CDHR1: variants seen among roughly 807,000 people sequenced by gnomAD.
CDHR1 encodes cadherin related family member 1, also known as cadherin-related family member 1.
In CDHR1, 61 loss-of-function variants were observed where a neutral mutation model predicts 72.1. That is an observed-to-expected ratio of 0.85 (90% confidence interval 0.69 to 1.05). The LOEUF (loss-of-function observed/expected upper bound fraction) is 1.05, where lower values mean the gene tolerates loss of function less well. Among genes scored for constraint, CDHR1 ranks in the 50% least tolerant of loss-of-function variants. The pLI is 0.00. For missense variants in CDHR1, 1,186 were observed against 1,115.7 expected (o/e 1.06, Z -0.90); for synonymous variants, 470 against 448.1 (o/e 1.05, Z -0.62).
chr10:84,200,465 C>T lies in CDHR1; in HGVS notation c.439-136C>T, dbSNP rs1216156460. On this transcript the variant is annotated intron_variant, in intron 5 of 16. Coordinates refer to ENST00000623527, the MANE Select transcript of CDHR1 (RefSeq NM_033100.4). The stretch of plus-strand genomic sequence containing the variant: ...GGGCCCAGCCCCCACTGGGTGCTCA[C>T]ACATTTTATCCTCAATTGTTCACCT... 4 of 708,574 alleles carry T rather than the reference C, an allele frequency of 5.6e-6. No individual in the cohort carries two copies. The African/African-American group carries it at 7.0e-5, about 12-fold the overall frequency. 43.9% of individuals were successfully genotyped at this position (708,574 alleles called of 1,614,324 possible).
chr10:84,218,820 G>C (rs4424615), downstream of CDHR1: 485,695 of 1,004,110 alleles, frequency 0.48, 121,114 homozygotes, highest in African/African-American at 0.77. Flanking sequence ...TTAATAAGAT[G>C]TGATATTCCA....
chr10:84,207,139 T>C (rs545475106), intron 10 of CDHR1, among the ~76,000 whole-genome samples: 2 of 152,110 alleles, frequency 1.3e-5, no homozygotes, highest in South Asian at 4.2e-4. Context: ...GGAGAGAATG[T>C]CAACCTACAG....
In CDHR1 at chr10:84,214,636, C is replaced by T. The variant is rs1193305836; in HGVS notation, c.*15C>T. 3 of 1,598,554 alleles carry T rather than the reference C, an allele frequency of 1.9e-6. No individual in the cohort carries two copies. Among genetic ancestry groups the T allele is most frequent in the African/African-American group, 2.7e-5 (2 of 74,864 alleles). On this transcript the variant is annotated 3_prime_UTR_variant, in exon 17 of 17. Coordinates refer to ENST00000623527, the MANE Select transcript of CDHR1 (RefSeq NM_033100.4). The stretch of plus-strand genomic sequence containing the variant: ...CTTACTTCTAGTGTATGCCCTATGA[C>T]CCCCCATCTTTCCTCCGCCCCTGAC...
intron 3 of CDHR1, among the ~76,000 whole-genome samples, chr10:84,197,385 C>T (rs1449806911): frequency 1.3e-5 from 2 of 152,106 alleles, no homozygotes; most frequent in Non-Finnish European, 2.9e-5. Context: ...ATGTGAGCCT[C>T]TGCAGAGCCC....
rs1564656997 is a variant in CDHR1 at position 84,199,224 on chromosome 10, AC to A, written c.438+105del. On this transcript the variant is annotated intron_variant, in intron 5 of 16. Coordinates refer to ENST00000623527, the MANE Select transcript of CDHR1 (RefSeq NM_033100.4). ...GCCATGGCTCACTGCCCTGTGGAGAACCTCTCTGTCACCACCTGCTCCCTCC... is the reference window on the plus strand; with the variant it reads ...GCCATGGCTCACTGCCCTGTGGAGAACTCTCTGTCACCACCTGCTCCCTCC... 6.7e-6 allele frequency: 6 copies of A among 891,386 alleles called. No homozygotes were observed. In the East Asian group the frequency reaches 1.6e-4, roughly 24 times the overall value. 55.2% of individuals were successfully genotyped at this position (891,386 alleles called of 1,614,324 possible). A position where few individuals can be genotyped will look rare whatever the true frequency, so the allele number is the denominator to read the frequency against.
rs1384860192 is a variant in CDHR1, at chr10:84,212,165, G to T, written c.1554-14G>T. 6.2e-7 allele frequency: 1 copy of T among 1,608,770 alleles called. No homozygotes were observed. Among genetic ancestry groups the T allele is most frequent in the Non-Finnish European group, 8.5e-7 (1 of 1,175,228 alleles). ...TATGCGTGCACACCCATGCCTATGT[G>T]CTCTGCCTGGCAGCTTCCTGATCCA... On this transcript the variant is annotated splice_polypyrimidine_tract_variant and intron_variant, in intron 14 of 16. Transcript: ENST00000623527.
Position 84,212,403 on chromosome 10 carries a change from T to C in CDHR1, c.1778T>C (p.Ile593Thr), listed in dbSNP as rs151127624. The C allele has an allele frequency of 5.9e-5, 96 of 1,613,730 alleles. No individual in the cohort carries two copies. Among genetic ancestry groups the C allele is most frequent in the African/African-American group, 2.0e-4 (15 of 74,960 alleles). Reference protein sequence around the residue: ...KTMVLGTPVKIEAIDEDAEEP... With the variant: ...KTMVLGTPVKTEAIDEDAEEP... ...ATGGTGCTAGGGACCCCAGTGAAAATTGAGGTAAGTTTTGGAGGCAGCTGA... is the reference window on the plus strand; with the variant it reads ...ATGGTGCTAGGGACCCCAGTGAAAACTGAGGTAAGTTTTGGAGGCAGCTGA... Residue 593 changes from isoleucine (I) to threonine (T), a missense_variant, in exon 15 of 17, where the codon ATT becomes ACT. Physicochemically the swap from Ile to Thr is moderately conservative, Grantham distance 89. Transcript: ENST00000623527.
At chr10:84,219,052 A>T, downstream of CDHR1, 2 of 809,880 alleles carry the variant, frequency 2.5e-6, no homozygotes, top group Middle Eastern at 4.7e-4. Context: ...GAGAACACTA[A>T]TGTACTATTA....
At position 84,214,222 on chromosome 10, in the gene CDHR1, C is replaced by G. The variant is rs1842387770; in HGVS notation, c.2181C>G (p.Asn727Lys). 1.9e-6 allele frequency: 3 copies of G among 1,614,182 alleles called. No individual in the cohort carries two copies. Among genetic ancestry groups the G allele is most frequent in the Non-Finnish European group, 2.5e-6 (3 of 1,180,056 alleles). ...VLISTATFWR[N>K]KKSNKVLPMR... ...TCTCCACCGCCACCTTCTGGCGCAA[C>G]AAGAAGTCTAACAAGGTCCTGCCAA... Residue 727 changes from asparagine (N) to lysine (K), a missense_variant, in exon 17 of 17, where the codon AAC becomes AAG. Asn to Lys is a moderately conservative substitution (Grantham distance 94, BLOSUM62 0). Coordinates refer to ENST00000623527, the MANE Select transcript of CDHR1 (RefSeq NM_033100.4).
chr10:84,203,400 C>T (rs190326901), intron 8 of CDHR1, among the ~76,000 whole-genome samples: 11 of 152,068 alleles, frequency 7.2e-5, no homozygotes, highest in Admixed American at 3.3e-4. Context: ...TCTCAATTTG[C>T]GTTTGTCTGA....
Position 84,216,227 on chromosome 10 carries a change from T to A in CDHR1, c.*1606T>A, listed in dbSNP as rs1416436488. 10 of 985,380 alleles carry A rather than the reference T, an allele frequency of 1.0e-5. No homozygotes were observed. The highest frequency in any genetic ancestry group is 1.7e-5 in the African/African-American group (1 of 57,258). 61.0% of individuals were successfully genotyped at this position (985,380 alleles called of 1,614,324 possible). On this transcript the variant is annotated 3_prime_UTR_variant, in exon 17 of 17. Transcript: ENST00000623527. ...CATTGGTGATTTCATTTAAAGAGATTGTATGCATTTGTGGCTTTCCTGATT... is the reference window on the plus strand; with the variant it reads ...CATTGGTGATTTCATTTAAAGAGATAGTATGCATTTGTGGCTTTCCTGATT...
chr10:84,194,624 C>T lies in CDHR1; in HGVS notation c.-137C>T. ...CCTCACGCCACCCGCCGCTCCCGCC[C>T]CGTGCCCCCTCCCGCCGCGGCTGCA... On this transcript the variant is annotated 5_prime_UTR_variant, in exon 1 of 17. Coordinates refer to ENST00000623527, the MANE Select transcript of CDHR1 (RefSeq NM_033100.4). The T allele has an allele frequency of 1.7e-6, 1 of 572,968 alleles. No homozygotes were observed. The highest frequency in any genetic ancestry group is 2.7e-6 in the Non-Finnish European group (1 of 363,890). 35.5% of individuals were successfully genotyped at this position (572,968 alleles called of 1,614,324 possible). A position where few individuals can be genotyped will look rare whatever the true frequency, so the allele number is the denominator to read the frequency against.
Position 84,218,000 on chromosome 10 carries a change from T to C in CDHR1, c.*3379T>C. The C allele has an allele frequency of 2.0e-6, 2 of 985,466 alleles. No individual in the cohort carries two copies. The highest frequency in any genetic ancestry group is 2.4e-6 in the Non-Finnish European group (2 of 829,956). The allele number at this position is 985,466 out of a possible 1,614,324, so 61.0% of individuals were successfully genotyped here. A position where few individuals can be genotyped will look rare whatever the true frequency, so the allele number is the denominator to read the frequency against. ...ACCATGCTCTGCTTCTCTAAGGATT[T>C]CGGTGATTCTATTTTTAGGGACTGA... On this transcript the variant is annotated 3_prime_UTR_variant, in exon 17 of 17. Transcript: ENST00000623527.
rs754602331 is a variant in CDHR1 at position 84,216,581 on chromosome 10, G to A, written c.*1960G>A. ...TATGTTTGCTGACCTGTGGAGACCA[G>A]TCTTTCTGACACACAGTGAAGCTCA... On this transcript the variant is annotated 3_prime_UTR_variant, in exon 17 of 17. Transcript: ENST00000623527. 2 of 985,506 alleles carry A rather than the reference G, an allele frequency of 2.0e-6. No homozygotes were observed. The highest frequency in any genetic ancestry group is 6.1e-5 in the Admixed American group (1 of 16,296). The allele number at this position is 985,506 out of a possible 1,614,324, so 61.0% of individuals were successfully genotyped here.
Position 84,218,517 on chromosome 10 carries a change from G to A in CDHR1, c.*3896G>A. On this transcript the variant is annotated 3_prime_UTR_variant, in exon 17 of 17. Coordinates refer to ENST00000623527, the MANE Select transcript of CDHR1 (RefSeq NM_033100.4). ...ATGTCTCTAACAAGATAGAAGGAAA[G>A]AAGAAAAGAAAAAGAACAACATTCC... 1 of 985,424 alleles carries A rather than the reference G, an allele frequency of 1.0e-6. No homozygotes were observed. The highest frequency in any genetic ancestry group is 1.2e-6 in the Non-Finnish European group (1 of 829,934). The allele number at this position is 985,424 out of a possible 1,614,324, so 61.0% of individuals were successfully genotyped here.
rs1842391040 is a variant in CDHR1, at chr10:84,214,342, C to A, written c.2301C>A (p.Phe767Leu). Residue 767 changes from phenylalanine to leucine, a missense_variant, in exon 17 of 17, where the codon TTC becomes TTA. Physicochemically the swap from Phe to Leu is conservative, Grantham distance 22. Coordinates refer to ENST00000623527, the MANE Select transcript of CDHR1 (RefSeq NM_033100.4). ...AGAGCACCAAAGCCGCTACCAAGTT[C>A]ATGCTCAAAGAGAAACCTCCCAATG... ...KSKSTKAATK[F>L]MLKEKPPNEN... is the part of the protein sequence containing the mutation. 2 of 1,614,092 alleles carry A rather than the reference C, an allele frequency of 1.2e-6. No individual in the cohort carries two copies. The highest frequency in any genetic ancestry group is 3.3e-5 in the Admixed American group (2 of 60,012).
chr10:84,196,613 T>C lies in CDHR1; in HGVS notation c.260T>C (p.Phe87Ser), dbSNP rs1842034369. 1.9e-6 allele frequency: 3 copies of C among 1,614,102 alleles called. No individual in the cohort carries two copies. Among genetic ancestry groups the C allele is most frequent in the South Asian group, 1.1e-5 (1 of 91,086 alleles). Residue 87 changes from phenylalanine to serine, a missense_variant, in exon 3 of 17, where the codon TTT becomes TCT. Phe to Ser is a radical substitution (Grantham distance 155). Transcript: ENST00000623527. ...TRSVFSVDPT[F>S]GNITLVEELD... is the part of the protein sequence containing the mutation. The stretch of plus-strand genomic sequence containing the variant: ...AGCGTCTTTTCTGTTGACCCCACTT[T>C]TGGAAACATCACCCTGGTTGAAGAG...
intron 12 of CDHR1, among the ~76,000 whole-genome samples, chr10:84,209,841 G>A (rs1428553118): frequency 1.3e-5 from 2 of 152,170 alleles, no homozygotes; most frequent in Admixed American, 1.3e-4. Context: ...TGCAAATGAT[G>A]AAAAATGCTA....
intron 7 of CDHR1, 22 bp downstream of exon 7, chr10:84,201,942 G>A (rs375359797): frequency 1.3e-6 from 2 of 1,548,002 alleles, no homozygotes; most frequent in South Asian, 1.1e-5. Flanking sequence ...GGACAGGGGA[G>A]CATCCAGTGT....
Sources: gnomAD v4.1 joint callset for allele counts (sites outside exome capture counted in the v4.1 genomes callset) on GRCh38, gnomAD v4.1.1 for gene constraint, MANE v1.5 for transcripts, NCBI Gene and HGNC (gene_info 2026-07-23, HGNC 2026-07-21) for gene names.